Variants in SLC6A4 observed in about 807,000 individuals in gnomAD.
The protein encoded by SLC6A4 is sodium-dependent serotonin transporter.
SLC6A4 carries 22 observed loss-of-function variants against 73.4 expected under a neutral mutation model. The ratio of observed to expected loss-of-function variants is 0.30; its 90% confidence interval spans 0.21 to 0.43. The LOEUF (loss-of-function observed/expected upper bound fraction) is 0.43, where lower values mean the gene tolerates loss of function less well. Ranked by LOEUF, SLC6A4 falls within the 20% of genes least tolerant of loss-of-function variation. The pLI, the probability that SLC6A4 is intolerant of heterozygous loss-of-function variation, is 1.00. For synonymous variants in SLC6A4, 270 were observed against 315.5 expected (o/e 0.86, Z 1.53); for missense variants, 593 against 808.5 (o/e 0.73, Z 3.23).
chr17:30,221,560 T>C lies in SLC6A4; in HGVS notation c.343+56A>G, dbSNP rs369256277. On this transcript the variant is annotated intron_variant, in intron 3 of 14. Coordinates refer to ENST00000650711, the MANE Select transcript of SLC6A4 (RefSeq NM_001045.6). The stretch of plus-strand genomic sequence containing the variant: ...CAGCCCACCCCGGGTCACAGCCCAC[T>C]CCGGGTCACAGCCCACCCTGGGTCA... 1,504 of 1,454,244 alleles carry C rather than the reference T, an allele frequency of 1.0e-3. 5 individuals are homozygous for C. Among genetic ancestry groups the C allele is most frequent in the Middle Eastern group, 8.9e-3 (43 of 4,826 alleles). 90.1% of individuals were successfully genotyped at this position (1,454,244 alleles called of 1,614,324 possible).
chr17:30,221,534 A>G, intron 3 of SLC6A4, 82 bp downstream of exon 3: 1 of 1,270,982 alleles, frequency 7.9e-7, no homozygotes, highest in South Asian at 1.3e-5. Flanking sequence ...CACCCGGGTC[A>G]CAGCCCACCC....
chr17:30,217,254 C>T lies in SLC6A4; in HGVS notation c.749G>A (p.Gly250Asp), dbSNP rs774549180. 9.3e-6 allele frequency: 15 copies of T among 1,613,726 alleles called. No homozygotes were observed. The Admixed American group carries it at 2.5e-4, about 27-fold the overall frequency. Residue 250 changes from glycine (G) to aspartate (D), a missense_variant, in exon 6 of 15, where the codon GGC (glycine) becomes GAC (aspartate). By Grantham distance (94) the Gly-to-Asp change is moderately conservative (BLOSUM62 -1). Transcript: ENST00000650711. Reference protein sequence around the residue: ...HRSKGLQDLGGISWQLALCIM... With the variant: ...HRSKGLQDLGDISWQLALCIM... ...GCAGAGGGCCAGCTGCCAGCTGATG[C>T]CCCCCAGGTCCTGGAGCCCCTTAGA...
intron 1 of SLC6A4, among the ~76,000 whole-genome samples, chr17:30,227,045 T>C (rs1906951381): frequency 6.6e-6 from 1 of 152,226 alleles, no homozygotes; most frequent in Admixed American, 6.5e-5. Context: ...AGGCTGCCGC[T>C]GGCTCGCCGC....
At chr17:30,226,211 T>C (rs1906919706) in intron 1 of SLC6A4, among the ~76,000 whole-genome samples, 1 of 152,150 alleles carries the variant, frequency 6.6e-6, no homozygotes, top group African/African-American at 2.4e-5. Context: ...TAGTTACAGG[T>C]CATAGAGCCA....
chr17:30,234,853 C>T (rs1017095125), intron 1 of SLC6A4, among the ~76,000 whole-genome samples: 1 of 152,154 alleles, frequency 6.6e-6, no homozygotes, highest in African/African-American at 2.4e-5. Flanking sequence ...GGAAAAGGAA[C>T]AATTCAATAT....
chr17:30,225,355 C>T (rs1906896265), intron 1 of SLC6A4, among the ~76,000 whole-genome samples: 1 of 152,128 alleles, frequency 6.6e-6, no homozygotes, highest in South Asian at 2.1e-4. Context: ...GCCTGTGGAG[C>T]CCCAGACTCT....
At chr17:30,199,081 C>T (rs578052172) in intron 14 of SLC6A4, among the ~76,000 whole-genome samples, 1 of 152,276 alleles carries the variant, frequency 6.6e-6, no homozygotes, top group Non-Finnish European at 1.5e-5. Flanking sequence ...TAAATTATCA[C>T]ATAGTTAAAC....
intron 14 of SLC6A4, among the ~76,000 whole-genome samples, chr17:30,200,984 T>C (rs1597631604): frequency 1.3e-5 from 2 of 152,218 alleles, no homozygotes; most frequent in South Asian, 2.1e-4. Flanking sequence ...GGTTTCACCA[T>C]GTTGGCTAGG....
intron 8 of SLC6A4, among the ~76,000 whole-genome samples, chr17:30,213,308 T>TTC (rs1045255885): frequency 2.0e-5 from 3 of 148,532 alleles, no homozygotes; most frequent in African/African-American, 7.6e-5. Flanking sequence ...TTTTCTTTTT[T>TTC]TTTTTTTTTT....
At chr17:30,207,909 G>A in intron 12 of SLC6A4, 77 bp from the exon 13 acceptor site, 1 of 1,054,572 alleles carries the variant, frequency 9.5e-7, no homozygotes, top group South Asian at 1.4e-5. Flanking sequence ...GATTCTCTGG[G>A]AGAGTCAGAG....
Position 30,221,944 on chromosome 17 carries a change from G to A in SLC6A4, c.15C>T (p.Pro5=). The part of the protein sequence containing the change: METT[P]LNSQKQLSAC... Reference sequence around the variant, plus strand: ...CTGATAGCTGCTTCTGAGAATTCAAGGGCGTCGTCTCCATCCTGCTGGTTA... The same window carrying A: ...CTGATAGCTGCTTCTGAGAATTCAAAGGCGTCGTCTCCATCCTGCTGGTTA... The change falls in exon 3 of 15, where the codon CCC becomes CCT. Residue 5 remains proline (P), a synonymous_variant. Transcript: ENST00000650711. 5 of 1,614,090 alleles carry A rather than the reference G, an allele frequency of 3.1e-6. No homozygotes were observed. The South Asian group carries it at 4.4e-5, about 14-fold the overall frequency.
intron 8 of SLC6A4, among the ~76,000 whole-genome samples, chr17:30,214,199 G>T (rs1906475961): frequency 6.6e-6 from 1 of 151,938 alleles, no homozygotes; most frequent in South Asian, 2.1e-4. Context: ...GAGGCAGGTG[G>T]ATCACCTGAG....
Position 30,218,848 on chromosome 17 carries a change from G to A in SLC6A4, c.427C>T (p.His143Tyr), listed in dbSNP as rs769156350. The change falls in exon 4 of 15, where the codon CAC becomes TAC. Residue 143 changes from histidine (H) to tyrosine (Y), a missense_variant. By Grantham distance (83) the His-to-Tyr change is moderately conservative (BLOSUM62 2). Coordinates refer to ENST00000650711, the MANE Select transcript of SLC6A4 (RefSeq NM_001045.6). ...CATATTGAAATGCATCCATTTCGGT[G>A]GTACTGTCCCAGTGCGAGCTCCATG... The part of the protein sequence containing the change: ...FYMELALGQY[H>Y]RNGCISIWRK... 2 of 1,613,920 alleles carry A rather than the reference G, an allele frequency of 1.2e-6. No homozygotes were observed. Among genetic ancestry groups the A allele is most frequent in the African/African-American group, 2.7e-5 (2 of 74,882 alleles).
chr17:30,217,285 G>A lies in SLC6A4; in HGVS notation c.718C>T (p.His240Tyr). 1 of 1,614,038 alleles carries A rather than the reference G, an allele frequency of 6.2e-7. No homozygotes were observed. Among genetic ancestry groups the A allele is most frequent in the Non-Finnish European group, 8.5e-7 (1 of 1,179,966 alleles). Reference sequence around the variant, plus strand: ...AGGTCCTGGAGCCCCTTAGACCGGTGGATCTGCAGGACGTGGCGCCTGGGG... The same window carrying A: ...AGGTCCTGGAGCCCCTTAGACCGGTAGATCTGCAGGACGTGGCGCCTGGGG... ...EFYTRHVLQI[H>Y]RSKGLQDLGG... The change falls in exon 6 of 15, where the codon CAC becomes TAC. Residue 240 changes from histidine (H) to tyrosine (Y), a missense_variant. By Grantham distance (83) the His-to-Tyr change is moderately conservative. Transcript: ENST00000650711.
chr17:30,222,302 C>T (rs1366691496), intron 2 of SLC6A4, among the ~76,000 whole-genome samples: 1 of 152,164 alleles, frequency 6.6e-6, no homozygotes, highest in Non-Finnish European at 1.5e-5. Flanking sequence ...CAAAAGGAAA[C>T]AATAAAACCA....
Position 30,211,162 on chromosome 17 carries a change from C to T in SLC6A4, c.1317+150G>A. ...CGAATGTACCAGAGGGTGGTAAATG[C>T]CGAGGAGTCAGCCGGGGGTCTGGAG... On this transcript the variant is annotated intron_variant, in intron 10 of 14. Transcript: ENST00000650711. This position sits in a 1 kb window ranked among gnomAD's most constrained non-coding sequence, Gnocchi z 4.0. 1 of 611,834 alleles carries T rather than the reference C, an allele frequency of 1.6e-6. No homozygotes were observed. Among genetic ancestry groups the T allele is most frequent in the Non-Finnish European group, 2.9e-6 (1 of 341,908 alleles). 37.9% of individuals were successfully genotyped at this position (611,834 alleles called of 1,614,324 possible). A position where few individuals can be genotyped will look rare whatever the true frequency, so the allele number is the denominator to read the frequency against.
rs1320887337 is a variant in SLC6A4, at chr17:30,235,499, T to A, written c.-221+114A>T. The A allele has an allele frequency of 6.6e-6, 1 of 152,182 alleles. No individual in the cohort carries two copies. The allele number at this position is 152,182 out of a possible 1,614,324, so 9.4% of individuals were successfully genotyped here. A position where few individuals can be genotyped will look rare whatever the true frequency, so the allele number is the denominator to read the frequency against. Reference sequence around the variant, plus strand: ...CGCCCACCGCTGGGGCGCATGCACCTCCTCGCCTCCTCGCAGGGCGGTGGG... The same window carrying A: ...CGCCCACCGCTGGGGCGCATGCACCACCTCGCCTCCTCGCAGGGCGGTGGG... On this transcript the variant is annotated intron_variant, in intron 1 of 14. Transcript: ENST00000650711. The surrounding 1 kb of genome is among the most constrained non-coding windows in gnomAD (Gnocchi z 4.5).
At position 30,221,953 on chromosome 17, in the gene SLC6A4, C is replaced by T. The variant is rs75808495; in HGVS notation, c.6G>A (p.Glu2=). 6.2e-7 allele frequency: 1 copy of T among 1,614,112 alleles called. No homozygotes were observed. The highest frequency in any genetic ancestry group is 1.7e-5 in the Admixed American group (1 of 60,032). Residue 2 remains glutamate, a synonymous_variant, in exon 3 of 15, where the codon GAG becomes GAA. Coordinates refer to ENST00000650711, the MANE Select transcript of SLC6A4 (RefSeq NM_001045.6). ...GCTTCTGAGAATTCAAGGGCGTCGT[C>T]TCCATCCTGCTGGTTAGTAAATGAC... The part of the protein sequence containing the change: M[E]TTPLNSQKQL...
intron 1 of SLC6A4, among the ~76,000 whole-genome samples, chr17:30,230,098 G>GAAGAAGAAGAAGAGGAA (rs1555591454): frequency 6.7e-5 from 6 of 89,628 alleles, no homozygotes; most frequent in South Asian, 8.0e-4. Context: ...AAGAAGAAGA[G>GAAGAAGAAGAAGAGGAA]GAGGAAGAGG....
Sources: gnomAD v4.1 joint callset for allele counts (sites outside exome capture counted in the v4.1 genomes callset) on GRCh38, gnomAD v4.1.1 for gene constraint, Gnocchi (gnomAD v3.1) non-coding constraint, MANE v1.5 for transcripts, NCBI Gene and HGNC (gene_info 2026-07-23, HGNC 2026-07-21) for gene names.